The following FAM234A variants were observed in gnomAD, a reference collection of about 807,000 sequenced individuals.
FAM234A encodes the protein protein FAM234A.
In FAM234A, 42 loss-of-function variants were observed where a neutral mutation model predicts 49.1. The observed-to-expected ratio is 0.86, with a 90% confidence interval of 0.67 to 1.11. The LOEUF (loss-of-function observed/expected upper bound fraction) is 1.11. FAM234A is among the 50% of genes least tolerant of loss of function. FAM234A has a pLI of 0.00. For synonymous variants in FAM234A, 369 were observed against 316.2 expected (o/e 1.17, Z -1.77); for missense variants, 815 against 745.2 (o/e 1.09, Z -1.09).
At chr16:244,214 C>G (rs1047850019) in intron 1 of FAM234A, among the ~76,000 whole-genome samples, 1 of 152,084 alleles carries the variant, frequency 6.6e-6, no homozygotes, top group Admixed American at 6.6e-5. Context: ...GTGATCCACC[C>G]GCCTTGGCCT....
At position 264,097 on chromosome 16, in the gene FAM234A, A is replaced by G; in HGVS notation, c.1270A>G (p.Ser424Gly). 1 of 1,612,318 alleles carries G rather than the reference A, an allele frequency of 6.2e-7. No homozygotes were observed. Among genetic ancestry groups the G allele is most frequent in the Non-Finnish European group, 8.5e-7 (1 of 1,179,910 alleles). The change falls in exon 11 of 13, where the codon AGC becomes GGC. Residue 424 changes from serine to glycine, a missense_variant. By Grantham distance (56) the Ser-to-Gly change is moderately conservative. Coordinates refer to ENST00000399932, the MANE Select transcript of FAM234A (RefSeq NM_032039.4). ...PSLPGGPLSASLPTADHRSAF... is the reference protein window; with the variant it reads ...PSLPGGPLSAGLPTADHRSAF... ...CCTCCCTGGGGGTCCACTGTCCGCCAGCCTGCCGACCGCAGACCACCGCTC... is the reference window on the plus strand; with the variant it reads ...CCTCCCTGGGGGTCCACTGTCCGCCGGCCTGCCGACCGCAGACCACCGCTC...
At position 262,237 on chromosome 16, in the gene FAM234A, C is replaced by G; in HGVS notation, c.841+12C>G. The G allele has an allele frequency of 6.2e-7, 1 of 1,613,528 alleles. No individual in the cohort carries two copies. Among genetic ancestry groups the G allele is most frequent in the Non-Finnish European group, 8.5e-7 (1 of 1,179,752 alleles). On this transcript the variant is annotated intron_variant, in intron 7 of 12. Coordinates refer to ENST00000399932, the MANE Select transcript of FAM234A (RefSeq NM_032039.4). ...CCTCTTTCCCTGCGGTACGTTGTTT[C>G]TGCCACATCCCTGGCCAGCCTCACT...
chr16:245,482 G>A (rs1446134392), intron 1 of FAM234A, among the ~76,000 whole-genome samples: 2 of 152,170 alleles, frequency 1.3e-5, no homozygotes, highest in African/African-American at 2.4e-5. Flanking sequence ...TTATGAATTC[G>A]TTTCCTGTTT....
At chr16:256,240 C>T (rs2051227301) in intron 3 of FAM234A, among the ~76,000 whole-genome samples, 1 of 152,196 alleles carries the variant, frequency 6.6e-6, no homozygotes, top group African/African-American at 2.4e-5. Context: ...AATTGCTGAA[C>T]CCTATGGTAA....
At chr16:241,141 G>C (rs189957003) in intron 1 of FAM234A, among the ~76,000 whole-genome samples, 275 of 152,052 alleles carry the variant, frequency 1.8e-3, no homozygotes, top group African/African-American at 6.4e-3. Flanking sequence ...GGCTGGTCTC[G>C]AACTCCTGCG....
In FAM234A at chr16:251,182, G is replaced by A. The variant is rs146199995; in HGVS notation, c.-34+1528G>A. Among the ~76,000 whole-genome samples, 314 of 152,002 alleles carry A rather than the reference G, an allele frequency of 2.1e-3. 5 individuals are homozygous for A. In the East Asian group the frequency reaches 0.038, roughly 18 times the overall value. ...CATATTGGCCAGGCTGGTCTCGAAC[G>A]CCTGACCTCGTAATCCTCCCGCCTT... On this transcript the variant is annotated intron_variant, in intron 2 of 12. Transcript: ENST00000399932.
intron 3 of FAM234A, among the ~76,000 whole-genome samples, chr16:256,903 C>T (rs1428890259): frequency 2.6e-5 from 4 of 151,952 alleles, no homozygotes; most frequent in Non-Finnish European, 5.9e-5. Flanking sequence ...CCACCACACC[C>T]GGCTAATTTT....
rs80067482 is a variant in FAM234A, at chr16:235,513, A to C, written c.-140+656A>C. Among the ~76,000 whole-genome samples the C allele has an allele frequency of 7.3e-3, 1,112 of 152,160 alleles. 15 individuals are homozygous for C. The highest frequency in any genetic ancestry group is 0.026 in the African/African-American group (1,066 of 41,508). On this transcript the variant is annotated intron_variant, in intron 1 of 12. Transcript: ENST00000399932. Reference sequence around the variant, plus strand: ...GTTGGCCGAGAGTTGTCAAGGAGAGAGTTTGCCCTTGGACAGACTGATAGG... The same window carrying C: ...GTTGGCCGAGAGTTGTCAAGGAGAGCGTTTGCCCTTGGACAGACTGATAGG...
intron 1 of FAM234A, among the ~76,000 whole-genome samples, chr16:242,448 C>T (rs1567208365): frequency 6.6e-6 from 1 of 152,096 alleles, no homozygotes; most frequent in East Asian, 1.9e-4. Flanking sequence ...TCCTGTCCTC[C>T]AGTGATCTGT....
chr16:269,361 G>A (rs1567233530), downstream of FAM234A: 2 of 1,603,624 alleles, frequency 1.2e-6, no homozygotes, highest in South Asian at 2.2e-5. Flanking sequence ...GAGTGCCGTG[G>A]CCTCCACGTA....
chr16:267,744 T>A (rs2051735015), downstream of FAM234A, among the ~76,000 whole-genome samples: 1 of 142,796 alleles, frequency 7.0e-6, no homozygotes, highest in Non-Finnish European at 1.5e-5. Context: ...GCCTCAGTGC[T>A]ACACATGCCT....
chr16:264,244 A>T, intron 11 of FAM234A, 73 bp downstream of exon 11: 2 of 1,436,100 alleles, frequency 1.4e-6, no homozygotes, highest in Non-Finnish European at 1.9e-6. Flanking sequence ...TCCACCGTGG[A>T]GTGCCCAGAA....
chr16:244,000 G>T (rs1365733121), intron 1 of FAM234A, among the ~76,000 whole-genome samples: 233 of 149,208 alleles, frequency 1.6e-3, no homozygotes, highest in African/African-American at 5.6e-3. Flanking sequence ...TCGGAGTCTT[G>T]CTCTGTCACC....
At chr16:252,275 A>G (rs967300389) in intron 2 of FAM234A, among the ~76,000 whole-genome samples, 44 of 145,732 alleles carry the variant, frequency 3.0e-4, no homozygotes, top group African/African-American at 1.0e-3. Flanking sequence ...TCTGCCTCCC[A>G]GGTTCAAGCC....
At chr16:263,542 T>C (rs1003487534) in intron 9 of FAM234A, 140 bp downstream of exon 9, 1 of 1,341,196 alleles carries the variant, frequency 7.5e-7, no homozygotes, top group Non-Finnish European at 1.0e-6. Flanking sequence ...TGCCTGTCTC[T>C]GGTACTTGCC....
rs765662942 is a variant in FAM234A, at chr16:249,604, C to T, written c.-84C>T. The stretch of plus-strand genomic sequence containing the variant: ...CCCGTCCACAGCTCACGACCAGATG[C>T]ACCAGCAGGAGTCCACATCGAGGAC... On this transcript the variant is annotated 5_prime_UTR_variant, in exon 2 of 13. Transcript: ENST00000399932. 14 of 152,062 alleles carry T rather than the reference C, an allele frequency of 9.2e-5. No individual in the cohort carries two copies. The highest frequency in any genetic ancestry group is 3.1e-4 in the African/African-American group (13 of 41,278). The allele number at this position is 152,062 out of a possible 1,614,324, so 9.4% of individuals were successfully genotyped here. A position where few individuals can be genotyped will look rare whatever the true frequency, so the allele number is the denominator to read the frequency against.
At chr16:269,852 C>T (rs935219795), downstream of FAM234A, 1 of 421,866 alleles carries the variant, frequency 2.4e-6, no homozygotes, top group East Asian at 4.1e-5. Context: ...GGCACCTCCT[C>T]AGCCATTAGC....
chr16:264,261 C>T lies in FAM234A; in HGVS notation c.1344+90C>T, dbSNP rs1189893032. On this transcript the variant is annotated intron_variant, in intron 11 of 12. Transcript: ENST00000399932. ...CACCGTGGAGTGCCCAGAAGCTCAT[C>T]GGTGCCTGGGCAACCTCACATAAGT... 8 of 1,330,122 alleles carry T rather than the reference C, an allele frequency of 6.0e-6. No homozygotes were observed. In the South Asian group the frequency reaches 7.3e-5, roughly 12 times the overall value. The allele number at this position is 1,330,122 out of a possible 1,614,324, so 82.4% of individuals were successfully genotyped here.
chr16:251,423 G>GCACC (rs1413495830), intron 2 of FAM234A, among the ~76,000 whole-genome samples: 14 of 152,042 alleles, frequency 9.2e-5, no homozygotes, highest in Middle Eastern at 6.8e-3. Context: ...CACCCAGGTG[G>GCACC]CAGTGCAGTG....
Sources: allele counts gnomAD v4.1 joint callset (sites outside exome capture counted in the v4.1 genomes callset), GRCh38; gene constraint gnomAD v4.1.1; transcripts MANE v1.5; gene names NCBI Gene and HGNC (gene_info 2026-07-23, HGNC 2026-07-21).